DAPP1: variants seen among roughly 807,000 people sequenced by gnomAD.
The protein encoded by DAPP1 is dual adaptor of phosphotyrosine and 3-phosphoinositides 1.
Under a neutral mutation model 41.5 loss-of-function variants are expected in DAPP1, and 20 were observed. The ratio of observed to expected loss-of-function variants is 0.48; its 90% confidence interval spans 0.34 to 0.70. DAPP1 has a LOEUF of 0.70. Ranked by LOEUF, DAPP1 falls within the 30% of genes least tolerant of loss-of-function variation. DAPP1 has a pLI of 0.01. For synonymous variants in DAPP1, 113 were observed against 116.2 expected, an observed-to-expected ratio of 0.97 and a Z score of 0.18; for missense variants, 233 against 333.4, an observed-to-expected ratio of 0.70 and a Z score of 2.35.
At chr4:99,854,270 AG>A (rs1025465585) in intron 4 of DAPP1, among the ~76,000 whole-genome samples, 3 of 152,110 alleles carry the variant, frequency 2.0e-5, no homozygotes, top group Non-Finnish European at 2.9e-5. Flanking sequence ...ATTATTCTGA[AG>A]GCCCTTCTAT....
intron 1 of DAPP1, among the ~76,000 whole-genome samples, chr4:99,821,496 C>T (rs545559756): frequency 6.6e-6 from 1 of 152,360 alleles, no homozygotes; most frequent in Admixed American, 6.5e-5. Flanking sequence ...GTGCTAAGCA[C>T]TAGTTTAAGC....
At chr4:99,845,186 C>T (rs1245631546) in intron 3 of DAPP1, among the ~76,000 whole-genome samples, 1 of 152,222 alleles carries the variant, frequency 6.6e-6, no homozygotes, top group Non-Finnish European at 1.5e-5. Flanking sequence ...GGTTTTAAGT[C>T]ACTTGCCCAA....
chr4:99,840,325 T>C lies in DAPP1; in HGVS notation c.261T>C (p.Tyr87=), dbSNP rs1278336978. 2 of 1,602,422 alleles carry C rather than the reference T, an allele frequency of 1.2e-6. No individual in the cohort carries two copies. Among genetic ancestry groups the C allele is most frequent in the Admixed American group, 1.7e-5 (1 of 58,964 alleles). Residue 87 remains tyrosine, a synonymous_variant, in exon 3 of 9, where the codon TAT becomes TAC. Coordinates refer to ENST00000512369, the MANE Select transcript of DAPP1 (RefSeq NM_014395.3). Reference sequence around the variant, plus strand: ...CTGTTAAACACTTTCATGTTGAATATACTGGATATTCATTTAAATTTGGCT... The same window carrying C: ...CTGTTAAACACTTTCATGTTGAATACACTGGATATTCATTTAAATTTGGCT... The part of the protein sequence containing the change: ...KDSVKHFHVE[Y]TGYSFKFGFN...
At chr4:99,852,932 C>T (rs1477884376) in intron 3 of DAPP1, among the ~76,000 whole-genome samples, 1 of 152,144 alleles carries the variant, frequency 6.6e-6, no homozygotes, top group African/African-American at 2.4e-5. Context: ...TCATGCTTTG[C>T]TCACACGGCT....
chr4:99,830,373 ACT>A (rs1352116156), intron 1 of DAPP1, among the ~76,000 whole-genome samples: 3 of 151,184 alleles, frequency 2.0e-5, no homozygotes, highest in Admixed American at 2.0e-4. Flanking sequence ...ACAGAGCAAG[ACT>A]CTATCTAGGA....
intron 2 of DAPP1, 113 bp downstream of exon 2, chr4:99,835,858 A>G (rs1723281941): frequency 1.5e-6 from 2 of 1,360,864 alleles, no homozygotes. Flanking sequence ...TTGGACCACC[A>G]GGTTAAAGGA....
intron 4 of DAPP1, among the ~76,000 whole-genome samples, chr4:99,855,192 T>C (rs956007101): frequency 6.6e-6 from 1 of 152,202 alleles, no homozygotes; most frequent in African/African-American, 2.4e-5. Context: ...AGTCCCTTCA[T>C]AATTTCCTCT....
chr4:99,853,802 G>C (rs1396440591), intron 4 of DAPP1, among the ~76,000 whole-genome samples: 1 of 152,230 alleles, frequency 6.6e-6, no homozygotes, highest in Non-Finnish European at 1.5e-5. Context: ...CTGGGTTACA[G>C]AGTGAGACCT....
intron 1 of DAPP1, among the ~76,000 whole-genome samples, chr4:99,824,611 C>T (rs544291663): frequency 3.6e-4 from 55 of 152,282 alleles, no homozygotes; most frequent in African/African-American, 1.3e-3. Flanking sequence ...GTCTCCTACA[C>T]TAGCCCACAA....
In DAPP1 at chr4:99,866,052, G is replaced by A. The variant is rs1159672496; in HGVS notation, c.705G>A (p.Arg235=). The part of the protein sequence containing the change: ...VNCFCLVFPF[R]TFYLCAKTGV... ...CTATTAGTTTGGTATTTCCATTCAG[G>A]ACATTTTATCTCTGTGCAAAGACCG... The change falls in exon 8 of 9, where the codon AGG becomes AGA. Residue 235 remains arginine (R), a synonymous_variant. Transcript: ENST00000512369. 2.6e-6 allele frequency: 4 copies of A among 1,563,844 alleles called. No individual in the cohort carries two copies. The Admixed American group carries it at 5.2e-5, about 20-fold the overall frequency.
At chr4:99,864,608 G>T (rs1192569133) in intron 7 of DAPP1, among the ~76,000 whole-genome samples, 1 of 152,034 alleles carries the variant, frequency 6.6e-6, no homozygotes, top group Admixed American at 6.6e-5. Flanking sequence ...TTTAAAATTT[G>T]CATAGACATG....
At chr4:99,871,232 C>T (rs1432870504), downstream of DAPP1, among the ~76,000 whole-genome samples, 1 of 152,172 alleles carries the variant, frequency 6.6e-6, no homozygotes, top group Non-Finnish European at 1.5e-5. Flanking sequence ...TTCCTTCCCT[C>T]TCCACTACTT....
chr4:99,862,957 G>A, intron 5 of DAPP1, 53 bp from the exon 6 acceptor site: 1 of 1,267,232 alleles, frequency 7.9e-7, no homozygotes, highest in Non-Finnish European at 1.1e-6. Context: ...TTACATTCCT[G>A]TATTCAAAAC....
At chr4:99,829,803 A>C (rs2110138505) in intron 1 of DAPP1, among the ~76,000 whole-genome samples, 1 of 152,180 alleles carries the variant, frequency 6.6e-6, no homozygotes, top group Admixed American at 6.5e-5. Context: ...TATTACATGA[A>C]GAGACAATCA....
intron 5 of DAPP1, among the ~76,000 whole-genome samples, chr4:99,861,979 C>A (rs1355532925): frequency 2.0e-5 from 3 of 152,174 alleles, no homozygotes; most frequent in South Asian, 2.1e-4. Flanking sequence ...TAAAATGTTT[C>A]TTTAAGGATA....
chr4:99,844,883 T>G (rs1723615014), intron 3 of DAPP1, among the ~76,000 whole-genome samples: 1 of 152,252 alleles, frequency 6.6e-6, no homozygotes, highest in Non-Finnish European at 1.5e-5. Flanking sequence ...TTAAATAATG[T>G]GGTTAAAATT....
At chr4:99,855,315 C>T (rs941904850) in intron 4 of DAPP1, among the ~76,000 whole-genome samples, 2 of 152,214 alleles carry the variant, frequency 1.3e-5, no homozygotes, top group Admixed American at 6.5e-5. Context: ...AAGATCTCCA[C>T]TCAAGGTCAA....
chr4:99,843,617 G>A (rs1723568147), intron 3 of DAPP1, among the ~76,000 whole-genome samples: 1 of 152,076 alleles, frequency 6.6e-6, no homozygotes, highest in Non-Finnish European at 1.5e-5. Context: ...ACACTCTTAA[G>A]ATACTTCCAA....
intron 2 of DAPP1, among the ~76,000 whole-genome samples, chr4:99,839,843 C>T (rs1462922068): frequency 4.6e-5 from 7 of 152,182 alleles, no homozygotes; most frequent in African/African-American, 1.4e-4. Flanking sequence ...AGGAGGATCA[C>T]CTGAGGTCAG....
Sources: gnomAD v4.1 joint callset for allele counts (sites outside exome capture counted in the v4.1 genomes callset) on GRCh38, gnomAD v4.1.1 for gene constraint, MANE v1.5 for transcripts, NCBI Gene and HGNC (gene_info 2026-07-23, HGNC 2026-07-21) for gene names.